PNPLA7: variants seen among roughly 807,000 people sequenced by gnomAD.
PNPLA7 encodes patatin-like phospholipase domain-containing protein 7.
A neutral mutation model predicts 161.7 loss-of-function variants in PNPLA7; 153 were observed. The ratio of observed to expected loss-of-function variants is 0.95; its 90% CI spans 0.83 to 1.08. The LOEUF (loss-of-function observed/expected upper bound fraction) is 1.08, where lower values mean the gene tolerates loss of function less well. PNPLA7 is among the 50% of genes least tolerant of loss of function. The pLI is 0.00. For missense variants in PNPLA7, 1,739 were observed against 1,856.6 expected (o/e 0.94, Z 1.16); for synonymous variants, 809 against 782.1 (o/e 1.03, Z -0.57).
chr9:137,460,334 C>T lies in PNPLA7; in HGVS notation c.*59G>A, dbSNP rs1831112020. Reference sequence around the variant, plus strand: ...GAGGCCCCTAGGACTTGGCAGGAGCCTCAGCCTTGGGGACAGTCCCACGGA... The same window carrying T: ...GAGGCCCCTAGGACTTGGCAGGAGCTTCAGCCTTGGGGACAGTCCCACGGA... On this transcript the variant is annotated 3_prime_UTR_variant, in exon 35 of 35. Coordinates refer to ENST00000406427, the MANE Select transcript of PNPLA7 (RefSeq NM_001098537.3). 1 of 1,533,924 alleles carries T rather than the reference C, an allele frequency of 6.5e-7. No individual in the cohort carries two copies. The highest frequency in any genetic ancestry group is 2.4e-5 in the East Asian group (1 of 42,406).
intron 12 of PNPLA7, 86 bp downstream of exon 12, chr9:137,515,293 G>A: frequency 6.6e-7 from 1 of 1,511,324 alleles, no homozygotes; most frequent in Non-Finnish European, 8.9e-7. Context: ...CGGCGGCGAT[G>A]CTGGGCATCA....
At chr9:137,504,358 C>T (rs554613428) in intron 14 of PNPLA7, among the ~76,000 whole-genome samples, 3 of 152,264 alleles carry the variant, frequency 2.0e-5, no homozygotes, top group South Asian at 2.1e-4. Context: ...ATTACAGGCA[C>T]GTGCCATCAC....
At chr9:137,503,211 G>A (rs151014819) in intron 14 of PNPLA7, among the ~76,000 whole-genome samples, 83 of 151,888 alleles carry the variant, frequency 5.5e-4, no homozygotes, top group South Asian at 8.3e-4. Context: ...GCAAAACCCC[G>A]TCTACACTAA....
chr9:137,499,440 C>T lies in PNPLA7; in HGVS notation c.1758-1195G>A, dbSNP rs1157526850. On this transcript the variant is annotated intron_variant, in intron 16 of 34. Transcript: ENST00000406427. This position sits in a 1 kb window ranked among gnomAD's most constrained non-coding sequence, Gnocchi z 5.5. Reference sequence around the variant, plus strand: ...CTGCCCTGGGTGGTTCCTGTCCCTGCTCTTCGCCATCCGTCCTGATCTCCC... The same window carrying T: ...CTGCCCTGGGTGGTTCCTGTCCCTGTTCTTCGCCATCCGTCCTGATCTCCC... 6.6e-6 allele frequency among the ~76,000 whole-genome samples: 1 copy of T among 152,224 alleles called. No homozygotes were observed. Among genetic ancestry groups the T allele is most frequent in the Non-Finnish European group, 1.5e-5 (1 of 68,040 alleles).
intron 8 of PNPLA7, among the ~76,000 whole-genome samples, chr9:137,535,539 G>C (rs1214609437): frequency 6.6e-6 from 1 of 152,078 alleles, no homozygotes; most frequent in African/African-American, 2.4e-5. Flanking sequence ...CGGATCACAA[G>C]GTCAGGAGTT....
Position 137,497,167 on chromosome 9 carries a change from G to T in PNPLA7, c.2013+20C>A. 6.5e-7 allele frequency: 1 copy of T among 1,535,998 alleles called. No homozygotes were observed. Among genetic ancestry groups the T allele is most frequent in the East Asian group, 2.5e-5 (1 of 39,966 alleles). On this transcript the variant is annotated intron_variant, in intron 18 of 34. Coordinates refer to ENST00000406427, the MANE Select transcript of PNPLA7 (RefSeq NM_001098537.3). ...AGGGATGCAGAGGTGGGGGAGGCAG[G>T]AGCAGGGCCCAGCACCTACCACGCC...
chr9:137,519,171 A>G (rs1220107076), intron 11 of PNPLA7, among the ~76,000 whole-genome samples: 1 of 152,236 alleles, frequency 6.6e-6, no homozygotes, highest in Non-Finnish European at 1.5e-5. Flanking sequence ...TACTTTTGTT[A>G]GTCACTTCAA....
chr9:137,523,629 AT>A lies in PNPLA7; in HGVS notation c.748-773del, dbSNP rs112185527. 3.3e-3 allele frequency among the ~76,000 whole-genome samples: 473 copies of A among 143,596 alleles called. No homozygotes were observed. The highest frequency in any genetic ancestry group is 0.015 in the South Asian group (69 of 4,516). The allele number at this position is 143,596 out of a possible 152,430, so 94.2% of individuals were successfully genotyped here. On this transcript the variant is annotated intron_variant, in intron 8 of 34. Transcript: ENST00000406427. The surrounding 1 kb of genome is among the most constrained non-coding windows in gnomAD (Gnocchi z 4.4). ...TGCCGTCACCTGCCTGCAGAGACAG[AT>A]TTTTTTTTTTTTTTGAGACAGAGTC...
chr9:137,535,849 A>T (rs766126745), intron 8 of PNPLA7, among the ~76,000 whole-genome samples: 1 of 151,676 alleles, frequency 6.6e-6, no homozygotes, highest in Non-Finnish European at 1.5e-5. Flanking sequence ...AAGTTGAAAA[A>T]ATCTAGAAAG....
Position 137,541,319 on chromosome 9 carries a change from G to T in PNPLA7, c.667-597C>A. Reference sequence around the variant, plus strand: ...AACGAAAGCCGCTGCTTCACCAGCTGGGCGGCCTCATCCCCAGGAGCTACT... The same window carrying T: ...AACGAAAGCCGCTGCTTCACCAGCTTGGCGGCCTCATCCCCAGGAGCTACT... On this transcript the variant is annotated intron_variant, in intron 7 of 34. Transcript: ENST00000406427. This position sits in a 1 kb window ranked among gnomAD's most constrained non-coding sequence, Gnocchi z 4.4. 1 of 590,538 alleles carries T rather than the reference G, an allele frequency of 1.7e-6. No homozygotes were observed. The highest frequency in any genetic ancestry group is 2.1e-6 in the Non-Finnish European group (1 of 469,066). The allele number at this position is 590,538 out of a possible 1,614,324, so 36.6% of individuals were successfully genotyped here.
At chr9:137,494,775 A>G (rs1164829981) in intron 19 of PNPLA7, among the ~76,000 whole-genome samples, 8 of 37,514 alleles carry the variant, frequency 2.1e-4, no homozygotes, top group Non-Finnish European at 4.4e-4. Flanking sequence ...CTGCTCCGTG[A>G]CCTCATCCAC....
chr9:137,497,344 C>T (rs762208439), intron 17 of PNPLA7, 34 bp from the exon 18 acceptor site: 48 of 1,482,730 alleles, frequency 3.2e-5, no homozygotes, highest in Non-Finnish European at 4.2e-5. Flanking sequence ...CAGCCCTGGG[C>T]CCCCAGCCTC....
intron 17 of PNPLA7, 137 bp downstream of exon 17, chr9:137,497,977 G>A: frequency 1.5e-6 from 2 of 1,376,326 alleles, no homozygotes. Flanking sequence ...GGTGGGGCTG[G>A]GGAAATCCAG....
chr9:137,497,883 C>T (rs4962233), intron 17 of PNPLA7, among the ~76,000 whole-genome samples: 68,598 of 151,796 alleles, frequency 0.45, 16,479 homozygotes, highest in East Asian at 0.65. Flanking sequence ...CGGAGAGATG[C>T]TCATAGAACA....
intron 25 of PNPLA7, among the ~76,000 whole-genome samples, chr9:137,471,557 C>T (rs1036545314): frequency 1.4e-5 from 2 of 144,744 alleles, no homozygotes; most frequent in African/African-American, 5.2e-5. Context: ...GAGATCGCGC[C>T]ACTGCACTCC....
intron 31 of PNPLA7, 35 bp downstream of exon 31, chr9:137,462,144 G>T: frequency 2.0e-6 from 3 of 1,537,488 alleles, no homozygotes; most frequent in Non-Finnish European, 2.6e-6. Context: ...GAGTGCCTCC[G>T]CCCGCCTCCG....
chr9:137,465,785 C>T (rs1368942622), intron 26 of PNPLA7, among the ~76,000 whole-genome samples: 1 of 152,092 alleles, frequency 6.6e-6, no homozygotes, highest in African/African-American at 2.4e-5. Flanking sequence ...AACACGAACC[C>T]TTCTGATCCC....
At chr9:137,513,214 G>T (rs902889715) in intron 12 of PNPLA7, among the ~76,000 whole-genome samples, 1 of 152,024 alleles carries the variant, frequency 6.6e-6, no homozygotes, top group African/African-American at 2.4e-5. Context: ...CTTTGAGGCC[G>T]GGTGCGGTGG....
intron 17 of PNPLA7, among the ~76,000 whole-genome samples, chr9:137,497,817 A>G (rs1167021126): frequency 2.0e-5 from 3 of 152,232 alleles, no homozygotes; most frequent in African/African-American, 7.2e-5. Context: ...GTGAGCCACC[A>G]CGCCCAGCTA....
Sources: allele counts gnomAD v4.1 joint callset (sites outside exome capture counted in the v4.1 genomes callset), GRCh38; gene constraint gnomAD v4.1.1; non-coding constraint Gnocchi (gnomAD v3.1); transcripts MANE v1.5; gene names NCBI Gene and HGNC (gene_info 2026-07-23, HGNC 2026-07-21).